Variants in FAM107B observed in about 807,000 individuals in gnomAD.
FAM107B encodes the protein protein FAM107B.
In FAM107B, 21 loss-of-function variants were observed where a neutral mutation model predicts 31.5. The observed-to-expected ratio is 0.67, with a 90% CI of 0.47 to 0.96. The LOEUF is 0.96. Among genes scored for constraint, FAM107B ranks in the 40% least tolerant of loss-of-function variants. The pLI is 0.00. For synonymous variants in FAM107B, 157 were observed against 141.5 expected, an observed-to-expected ratio of 1.11 and a Z score of -0.78; for missense variants, 452 against 377.1, an observed-to-expected ratio of 1.20 and a Z score of -1.64.
At chr10:14,739,042 C>T (rs1588745020) in intron 1 of FAM107B, among the ~76,000 whole-genome samples, 1 of 152,180 alleles carries the variant, frequency 6.6e-6, no homozygotes, top group South Asian at 2.1e-4. Flanking sequence ...TTATGGTTTA[C>T]ACTTTTCCCA....
At chr10:14,536,372 G>A (rs1847607318) in intron 2 of FAM107B, among the ~76,000 whole-genome samples, 1 of 152,172 alleles carries the variant, frequency 6.6e-6, no homozygotes. Flanking sequence ...GATACTTTTG[G>A]AGAATCTGTT....
At chr10:14,691,965 C>A (rs188913590) in intron 1 of FAM107B, among the ~76,000 whole-genome samples, 82 of 151,858 alleles carry the variant, frequency 5.4e-4, no homozygotes, top group Admixed American at 4.3e-3. Flanking sequence ...GAGCGAAGAC[C>A]CCATGCTTCT....
At chr10:14,622,315 T>C (rs2131404177) in intron 2 of FAM107B, among the ~76,000 whole-genome samples, 1 of 151,132 alleles carries the variant, frequency 6.6e-6, no homozygotes, top group East Asian at 1.9e-4. Context: ...GAGATTTTTT[T>C]TTTTTTTTTT....
At chr10:14,657,308 G>C (rs1854086795) in intron 2 of FAM107B, among the ~76,000 whole-genome samples, 1 of 152,182 alleles carries the variant, frequency 6.6e-6, no homozygotes, top group Non-Finnish European at 1.5e-5. Context: ...CCACTTAACA[G>C]ATTCGGCCTA....
rs1368847459 is a variant in FAM107B at position 14,723,970 on chromosome 10, T to C, written c.411+50283A>G. The C allele has an allele frequency of 1.1e-5, 8 of 749,830 alleles. No individual in the cohort carries two copies. The Admixed American group carries it at 1.4e-4, about 13-fold the overall frequency. 46.4% of individuals were successfully genotyped at this position (749,830 alleles called of 1,614,324 possible). On this transcript the variant is annotated intron_variant, in intron 1 of 4. Transcript: ENST00000181796. The stretch of plus-strand genomic sequence containing the variant: ...GTGCTGTTCCATTTGGAAGTCAAGG[T>C]TAGTGTCACCTAAGTGGGTTCCTGC...
intron 2 of FAM107B, among the ~76,000 whole-genome samples, chr10:14,660,186 G>A (rs181322373): frequency 9.2e-5 from 14 of 152,210 alleles, no homozygotes; most frequent in Non-Finnish European, 1.9e-4. Context: ...TTGAGGTCCT[G>A]GCAGCACAGG....
chr10:14,543,074 T>C (rs958179200), intron 2 of FAM107B, among the ~76,000 whole-genome samples: 2 of 152,230 alleles, frequency 1.3e-5, no homozygotes, highest in Non-Finnish European at 2.9e-5. Flanking sequence ...TAACATTTGA[T>C]AGATGACTAT....
At chr10:14,627,271 G>A (rs1373703938) in intron 2 of FAM107B, among the ~76,000 whole-genome samples, 2 of 152,216 alleles carry the variant, frequency 1.3e-5, no homozygotes, top group South Asian at 4.2e-4. Context: ...ACATACTTTC[G>A]TCACAGTCCT....
chr10:14,674,334 T>C (rs920791437), intron 1 of FAM107B, among the ~76,000 whole-genome samples: 3 of 152,170 alleles, frequency 2.0e-5, no homozygotes, highest in Non-Finnish European at 4.4e-5. Flanking sequence ...GGAGAAAATA[T>C]TTGCAAACTA....
intron 2 of FAM107B, among the ~76,000 whole-genome samples, chr10:14,637,579 G>A (rs1371733533): frequency 1.3e-5 from 2 of 152,202 alleles, no homozygotes; most frequent in Admixed American, 6.5e-5. Context: ...GTGAGGCTGA[G>A]GCTGCAATGA....
At chr10:14,618,439 G>C (rs749629165) in intron 2 of FAM107B, among the ~76,000 whole-genome samples, 1 of 152,016 alleles carries the variant, frequency 6.6e-6, no homozygotes, top group Non-Finnish European at 1.5e-5. Flanking sequence ...TGGGACTGTC[G>C]GGTTGTATGG....
chr10:14,719,869 T>G (rs2601729), intron 1 of FAM107B, among the ~76,000 whole-genome samples: 105,425 of 146,920 alleles, frequency 0.72, 38,918 homozygotes, highest in African/African-American at 0.85. Flanking sequence ...ACCATGGCCT[T>G]TAGGCTGTTC....
intron 1 of FAM107B, among the ~76,000 whole-genome samples, chr10:14,736,911 T>C (rs2131566615): frequency 6.6e-6 from 1 of 152,296 alleles, no homozygotes; most frequent in Middle Eastern, 3.4e-3. Context: ...GCCTTGATAA[T>C]GTTGTCCCCC....
At chr10:14,632,336 G>T (rs1377955156) in intron 2 of FAM107B, among the ~76,000 whole-genome samples, 1 of 145,310 alleles carries the variant, frequency 6.9e-6, no homozygotes, top group Non-Finnish European at 1.5e-5. Flanking sequence ...AAAATGCCGG[G>T]CGCAGTGGCT....
Position 14,577,900 on chromosome 10 carries a change from A to G in FAM107B, c.470-47385T>C, listed in dbSNP as rs1455862720. On this transcript the variant is annotated intron_variant, in intron 2 of 4. Transcript: ENST00000181796. Reference sequence around the variant, plus strand: ...AATATTTCTGTAACTGCAGCCAGCCAGGAAATACATTGAGTTACACGAAGT... The same window carrying G: ...AATATTTCTGTAACTGCAGCCAGCCGGGAAATACATTGAGTTACACGAAGT... 2.0e-5 allele frequency among the ~76,000 whole-genome samples: 3 copies of G among 152,218 alleles called. No homozygotes were observed. In the East Asian group the frequency reaches 5.8e-4, roughly 29 times the overall value.
At chr10:14,736,102 G>A (rs10906752) in intron 1 of FAM107B, among the ~76,000 whole-genome samples, 45,601 of 151,882 alleles carry the variant, frequency 0.3, 7,224 homozygotes, top group African/African-American at 0.41. Context: ...AAAGATGGCA[G>A]TCCCCCTGTG....
intron 1 of FAM107B, among the ~76,000 whole-genome samples, chr10:14,708,942 G>A (rs994339429): frequency 4.8e-5 from 2 of 41,800 alleles, no homozygotes; most frequent in African/African-American, 1.5e-4. Flanking sequence ...ATTAGCATAT[G>A]AAAAGATGCT....
At chr10:14,750,237 C>T (rs929344088) in intron 1 of FAM107B, among the ~76,000 whole-genome samples, 1 of 152,228 alleles carries the variant, frequency 6.6e-6, no homozygotes, top group Non-Finnish European at 1.5e-5. Flanking sequence ...AGACTTGGGG[C>T]ATGGGGTGTC....
At chr10:14,532,723 A>T (rs1291519073) in intron 2 of FAM107B, 1 of 152,222 alleles carries the variant, frequency 6.6e-6, no homozygotes, top group Non-Finnish European at 1.5e-5. Flanking sequence ...CTGAAAAATC[A>T]ACTGCAGTTT....
Sources: allele counts gnomAD v4.1 joint callset (sites outside exome capture counted in the v4.1 genomes callset), GRCh38; gene constraint gnomAD v4.1.1; transcripts MANE v1.5; gene names NCBI Gene and HGNC (gene_info 2026-07-23, HGNC 2026-07-21).